The following FMNL1 variants were observed in gnomAD, a reference collection of about 807,000 sequenced individuals.
The protein encoded by FMNL1 is formin like 1.
Under a neutral mutation model 121.3 loss-of-function variants are expected in FMNL1, and 43 were observed. The observed-to-expected ratio is 0.35, with a 90% confidence interval of 0.28 to 0.46. The LOEUF (loss-of-function observed/expected upper bound fraction) is 0.46. Among genes scored for constraint, FMNL1 ranks in the 20% least tolerant of loss-of-function variants. The pLI is 1.00. For missense variants in FMNL1, 1,191 were observed against 1,482.4 expected, an observed-to-expected ratio of 0.80 and a Z score of 3.23; for synonymous variants, 613 against 613.5, an observed-to-expected ratio of 1.00 and a Z score of 0.01.
intron 15 of FMNL1, 72 bp downstream of exon 15, chr17:45,242,218 T>C (rs1598207720): frequency 6.4e-7 from 1 of 1,556,120 alleles, no homozygotes. Context: ...CTCAGTGTCC[T>C]CCAGGGTCCT....
At chr17:45,232,752 T>A in intron 3 of FMNL1, 3 of 596,148 alleles carry the variant, frequency 5.0e-6, no homozygotes, top group Non-Finnish European at 9.3e-6. Flanking sequence ...CATATGTCCA[T>A]ACATAGGTGT....
At chr17:45,235,438 T>G (rs1024332416) in intron 6 of FMNL1, among the ~76,000 whole-genome samples, 3 of 152,178 alleles carry the variant, frequency 2.0e-5, no homozygotes, top group Admixed American at 6.5e-5. Flanking sequence ...CTCTGACATA[T>G]TAGCACAATG....
rs544206078 is a variant in FMNL1, at chr17:45,237,227, C to G, written c.724-54C>G. The G allele has an allele frequency of 4.1e-5, 64 of 1,561,704 alleles. No homozygotes were observed. The African/African-American group carries it at 7.2e-4, about 18-fold the overall frequency. On this transcript the variant is annotated intron_variant, in intron 7 of 26. Transcript: ENST00000331495. The surrounding 1 kb of genome is among the most constrained non-coding windows in gnomAD (Gnocchi z 4.4). ...GTTAAAGATCCACGTGGCGTGGGTG[C>G]CTGAAGTCCTGGGGGGCCCTTCCTG...
Position 45,245,397 on chromosome 17 carries a change from C to T in FMNL1, c.2873C>T (p.Ala958Val), listed in dbSNP as rs1403103144. The change falls in exon 22 of 27, where the codon GCA becomes GTA. Residue 958 changes from alanine to valine, a missense_variant. Coordinates refer to ENST00000331495, the MANE Select transcript of FMNL1 (RefSeq NM_005892.4). ...TCGCCCACCATGGACAAGCTGCTGGCAGACAGCAAGACGGCTCAGGTGCGC... is the reference window on the plus strand; with the variant it reads ...TCGCCCACCATGGACAAGCTGCTGGTAGACAGCAAGACGGCTCAGGTGCGC... Reference protein sequence around the residue: ...ANSPTMDKLLADSKTAQEAFE... With the variant: ...ANSPTMDKLLVDSKTAQEAFE... 2 of 1,614,118 alleles carry T rather than the reference C, an allele frequency of 1.2e-6. No homozygotes were observed. Among genetic ancestry groups the T allele is most frequent in the South Asian group, 1.1e-5 (1 of 91,088 alleles).
chr17:45,239,321 T>C (rs2043628173), intron 11 of FMNL1: 2 of 475,250 alleles, frequency 4.2e-6, no homozygotes, highest in East Asian at 3.9e-5. Flanking sequence ...AGGCCCCCAG[T>C]CTATGGAACT....
Position 45,236,185 on chromosome 17 carries a change from A to T in FMNL1, c.664A>T (p.Ser222Cys), listed in dbSNP as rs144714204. The T allele has an allele frequency of 1.6e-4, 254 of 1,613,938 alleles. 2 individuals are homozygous for T. In the East Asian group the frequency reaches 5.3e-3, roughly 34 times the overall value. The change falls in exon 7 of 27, where the codon AGC becomes TGC. Residue 222 changes from serine (S) to cysteine (C), a missense_variant. By Grantham distance (112) the Ser-to-Cys change is moderately radical. Around this residue, in one of 4 missense-constraint regions of FMNL1, gnomAD observed 253 missense variants for 417.5 expected, o/e 0.61. Transcript: ENST00000331495. The part of the protein sequence containing the change: ...RKALRNSRIV[S>C]QKDDVHVCIM... Reference sequence around the variant, plus strand: ...GGCCCTGCGGAATTCCCGCATCGTCAGCCAGAAGGACGACGTCCACGTCTG... The same window carrying T: ...GGCCCTGCGGAATTCCCGCATCGTCTGCCAGAAGGACGACGTCCACGTCTG...
chr17:45,228,151 G>A (rs1047594112), intron 1 of FMNL1, among the ~76,000 whole-genome samples: 2 of 152,190 alleles, frequency 1.3e-5, no homozygotes, highest in African/African-American at 4.8e-5. Flanking sequence ...GCATCTGATG[G>A]CCCCTCTCCT....
At position 45,240,630 on chromosome 17, in the gene FMNL1, G is replaced by A. The variant is rs2043666550; in HGVS notation, c.1230+5G>A. On this transcript the variant is annotated splice_donor_5th_base_variant and intron_variant, in intron 12 of 26. Coordinates refer to ENST00000331495, the MANE Select transcript of FMNL1 (RefSeq NM_005892.4). Reference sequence around the variant, plus strand: ...CTGCAGGAGCAAGTGGCGCTGGTGAGAGTGGGTCCTGACCCCAGCCCAGCA... The same window carrying A: ...CTGCAGGAGCAAGTGGCGCTGGTGAAAGTGGGTCCTGACCCCAGCCCAGCA... The A allele has an allele frequency of 6.2e-7, 1 of 1,612,382 alleles. No homozygotes were observed.
intron 1 of FMNL1, among the ~76,000 whole-genome samples, chr17:45,223,055 C>T (rs983442036): frequency 5.9e-5 from 9 of 152,098 alleles, no homozygotes; most frequent in Non-Finnish European, 1.3e-4. Context: ...ACTCAGGGGT[C>T]TCCAAGACCC....
Position 45,236,356 on chromosome 17 carries a change from T to C in FMNL1, c.723+112T>C, listed in dbSNP as rs1398044305. ...ACTGTCCCTTTACCCTGTGCTGTGCTGGGGAACTTGCGCATCTGGGCTGTT... is the reference window on the plus strand; with the variant it reads ...ACTGTCCCTTTACCCTGTGCTGTGCCGGGGAACTTGCGCATCTGGGCTGTT... On this transcript the variant is annotated intron_variant, in intron 7 of 26. Coordinates refer to ENST00000331495, the MANE Select transcript of FMNL1 (RefSeq NM_005892.4). 3 of 864,854 alleles carry C rather than the reference T, an allele frequency of 3.5e-6. No homozygotes were observed. The Admixed American group carries it at 7.4e-5, about 21-fold the overall frequency. The allele number at this position is 864,854 out of a possible 1,614,324, so 53.6% of individuals were successfully genotyped here. A position where few individuals can be genotyped will look rare whatever the true frequency, so the allele number is the denominator to read the frequency against.
intron 16 of FMNL1, among the ~76,000 whole-genome samples, 189 bp from the exon 17 acceptor site, chr17:45,242,929 C>T (rs568251028): frequency 1.3e-4 from 20 of 152,330 alleles, no homozygotes; most frequent in Admixed American, 8.5e-4. Flanking sequence ...CCGGGTTAGG[C>T]GGCCCTCCTC....
chr17:45,225,537 C>T (rs2043312790), intron 1 of FMNL1, among the ~76,000 whole-genome samples: 1 of 152,194 alleles, frequency 6.6e-6, no homozygotes, highest in Non-Finnish European at 1.5e-5. Context: ...CACATACTAA[C>T]CCTGGAAAGC....
In FMNL1 at chr17:45,237,790, G is replaced by A. The variant is rs2043584782; in HGVS notation, c.894+151G>A. The A allele has an allele frequency of 1.2e-6, 1 of 804,168 alleles. No homozygotes were observed. Among genetic ancestry groups the A allele is most frequent in the Admixed American group, 2.2e-5 (1 of 44,608 alleles). The allele number at this position is 804,168 out of a possible 1,614,324, so 49.8% of individuals were successfully genotyped here. A position where few individuals can be genotyped will look rare whatever the true frequency, so the allele number is the denominator to read the frequency against. ...AAAGTTGAAGTTGAGCCACATCACT[G>A]GCTCAGCAATCTGGGATGGGGAAGT... is the stretch of plus-strand genomic sequence containing the variant. On this transcript the variant is annotated intron_variant, in intron 9 of 26. Coordinates refer to ENST00000331495, the MANE Select transcript of FMNL1 (RefSeq NM_005892.4). The surrounding 1 kb of genome is among the most constrained non-coding windows in gnomAD (Gnocchi z 4.4).
intron 1 of FMNL1, among the ~76,000 whole-genome samples, chr17:45,226,090 T>C (rs2043323280): frequency 6.6e-6 from 1 of 151,972 alleles, no homozygotes; most frequent in African/African-American, 2.4e-5. Flanking sequence ...TACTGTGCAC[T>C]CCCCAGGAGC....
In FMNL1 at chr17:45,241,790, C is replaced by T; in HGVS notation, c.1586-57C>T. ...TAGAGCGGAGAGGCGGAGAGGGGCC[C>T]ACCCAAGTCAAGGAGCTGACTCGCG... is the stretch of plus-strand genomic sequence containing the variant. On this transcript the variant is annotated intron_variant, in intron 14 of 26. Transcript: ENST00000331495. This position sits in a 1 kb window ranked among gnomAD's most constrained non-coding sequence, Gnocchi z 7.0. 7.1e-7 allele frequency: 1 copy of T among 1,402,450 alleles called. No homozygotes were observed. 86.9% of individuals were successfully genotyped at this position (1,402,450 alleles called of 1,614,324 possible).
chr17:45,243,744 T>C (rs749219190), intron 17 of FMNL1, 47 bp from the exon 18 acceptor site: 1 of 1,557,892 alleles, frequency 6.4e-7, no homozygotes, highest in Non-Finnish European at 8.8e-7. Flanking sequence ...TCCCAGGGAC[T>C]GGTGGGTATG....
chr17:45,245,576 G>T, intron 22 of FMNL1, 56 bp from the exon 23 acceptor site: 1 of 1,607,764 alleles, frequency 6.2e-7, no homozygotes, highest in South Asian at 1.1e-5. Flanking sequence ...CCAGTGTCCT[G>T]AGGGGTACAG....
At position 45,233,522 on chromosome 17, in the gene FMNL1, C is replaced by A; in HGVS notation, c.402-126C>A. 1 of 1,145,474 alleles carries A rather than the reference C, an allele frequency of 8.7e-7. No individual in the cohort carries two copies. The highest frequency in any genetic ancestry group is 1.3e-6 in the Non-Finnish European group (1 of 797,646). 71.0% of individuals were successfully genotyped at this position (1,145,474 alleles called of 1,614,324 possible). A position where few individuals can be genotyped will look rare whatever the true frequency, so the allele number is the denominator to read the frequency against. On this transcript the variant is annotated intron_variant, in intron 4 of 26. Transcript: ENST00000331495. This position sits in a 1 kb window ranked among gnomAD's most constrained non-coding sequence, Gnocchi z 4.1. ...GGGACCCACCTGAGTCTCCCAGAAT[C>A]CTTTGGTATCATTGGGTCTTTGGGG...
intron 6 of FMNL1, among the ~76,000 whole-genome samples, chr17:45,235,569 T>C (rs997111317): frequency 5.3e-5 from 8 of 152,166 alleles, no homozygotes; most frequent in East Asian, 1.9e-4. Flanking sequence ...TCTGCAACAA[T>C]GAAAACATCA....
Sources: gnomAD v4.1 joint callset for allele counts (sites outside exome capture counted in the v4.1 genomes callset) on GRCh38, gnomAD v4.1.1 for gene constraint, gnomAD v4.1.1 regional missense constraint, Gnocchi (gnomAD v3.1) non-coding constraint, MANE v1.5 for transcripts, NCBI Gene and HGNC (gene_info 2026-07-23, HGNC 2026-07-21) for gene names.